The following QKI variants were observed in gnomAD, a reference collection of about 807,000 sequenced individuals.
The protein encoded by QKI is KH domain-containing RNA-binding protein QKI.
A neutral mutation model predicts 39.0 loss-of-function variants in QKI; 10 were observed. That is an observed-to-expected ratio of 0.26 (90% CI 0.16 to 0.43). The LOEUF (loss-of-function observed/expected upper bound fraction) is 0.43, where lower values mean the gene tolerates loss of function less well. Ranked by LOEUF, QKI falls within the 20% of genes least tolerant of loss-of-function variation. The pLI is 1.00. For synonymous variants in QKI, 204 were observed against 155.4 expected, an observed-to-expected ratio of 1.31 and a Z score of -2.33; for missense variants, 218 against 428.0, an observed-to-expected ratio of 0.51 and a Z score of 4.33.
At chr6:163,421,326 G>C (rs9458823) in intron 1 of QKI, among the ~76,000 whole-genome samples, 11,981 of 152,226 alleles carry the variant, frequency 0.079, 534 homozygotes, top group Middle Eastern at 0.12. Flanking sequence ...ATAGTTTCTT[G>C]TCAGTCCTTA....
At chr6:163,438,867 A>G (rs912913934) in intron 1 of QKI, among the ~76,000 whole-genome samples, 1 of 152,242 alleles carries the variant, frequency 6.6e-6, no homozygotes, top group African/African-American at 2.4e-5. Flanking sequence ...TTAACATACT[A>G]TAACTTTATA....
chr6:163,515,698 T>C (rs1583142231), intron 3 of QKI, among the ~76,000 whole-genome samples: 3 of 152,294 alleles, frequency 2.0e-5, no homozygotes, highest in African/African-American at 4.8e-5. Flanking sequence ...TATAATGATA[T>C]GGCGATAGGT....
intron 3 of QKI, among the ~76,000 whole-genome samples, chr6:163,487,211 A>G (rs1777739152): frequency 6.6e-6 from 1 of 151,722 alleles, no homozygotes; most frequent in African/African-American, 2.4e-5. Flanking sequence ...ATTATGCAAA[A>G]TTTTAAGCAA....
chr6:163,466,738 A>G (rs943061896), intron 2 of QKI, among the ~76,000 whole-genome samples: 1 of 152,200 alleles, frequency 6.6e-6, no homozygotes, highest in African/African-American at 2.4e-5. Context: ...TGGATTAAAG[A>G]CCTAAATGAA....
chr6:163,543,553 C>T (rs1781676704), intron 4 of QKI, among the ~76,000 whole-genome samples: 1 of 152,018 alleles, frequency 6.6e-6, no homozygotes, highest in Non-Finnish European at 1.5e-5. Flanking sequence ...TGTCTGCCAA[C>T]CTAAATGAGT....
chr6:163,530,605 G>A (rs933867239), intron 3 of QKI, among the ~76,000 whole-genome samples: 10 of 152,198 alleles, frequency 6.6e-5, no homozygotes, highest in African/African-American at 1.9e-4. Context: ...ATGGACTACA[G>A]TAGAATGAAT....
intron 2 of QKI, among the ~76,000 whole-genome samples, chr6:163,478,258 C>A (rs16895015): frequency 0.11 from 16,796 of 152,182 alleles, 1,101 homozygotes; most frequent in East Asian, 0.25. Flanking sequence ...TCTTAAGACA[C>A]ATTTAGTGTA....
chr6:163,553,091 TTTATTTATTTATTTA>T (rs1396326354), intron 4 of QKI, among the ~76,000 whole-genome samples: 28 of 115,694 alleles, frequency 2.4e-4, no homozygotes, highest in African/African-American at 8.7e-4. Flanking sequence ...TATTTATTTA[TTTATTTATTTATTTA>T]TTTATTTATT....
chr6:163,484,170 A>G (rs965739544), intron 3 of QKI, among the ~76,000 whole-genome samples: 3 of 151,038 alleles, frequency 2.0e-5, no homozygotes, highest in Admixed American at 2.0e-4. Flanking sequence ...TGTTGTTCCA[A>G]TTGTAGAGCA....
chr6:163,510,298 C>G (rs923880775), intron 3 of QKI, among the ~76,000 whole-genome samples: 1 of 151,178 alleles, frequency 6.6e-6, no homozygotes, highest in Non-Finnish European at 1.5e-5. Context: ...GTGGCTCATG[C>G]CCATAATCCC....
At chr6:163,564,096 T>G in intron 6 of QKI, 14 of 1,055,302 alleles carry the variant, frequency 1.3e-5, no homozygotes, top group Non-Finnish European at 1.6e-5. Flanking sequence ...ATCTCACAGG[T>G]TTGTGTAATT....
intron 4 of QKI, among the ~76,000 whole-genome samples, chr6:163,553,209 T>G (rs574178759): frequency 5.8e-4 from 88 of 152,082 alleles, no homozygotes; most frequent in Non-Finnish European, 9.0e-4. Flanking sequence ...GTTCAAGCGA[T>G]TCTCCTGCCT....
rs138329730 is a variant in QKI, at chr6:163,424,218, G to C, written c.142+8883G>C. On this transcript the variant is annotated intron_variant, in intron 1 of 7. Transcript: ENST00000361752. ...TTTTAAGAAAAAAAAATTTCAAACT[G>C]GGATCAAAAAAATTACCCTGAAACC... 5.1e-3 allele frequency among the ~76,000 whole-genome samples: 773 copies of C among 152,170 alleles called. 11 individuals carry two copies. The highest frequency in any genetic ancestry group is 0.018 in the African/African-American group (738 of 41,508).
chr6:163,458,283 C>A lies in QKI; in HGVS notation c.285+2862C>A, dbSNP rs140794321. Among the ~76,000 whole-genome samples the A allele has an allele frequency of 1.3e-4, 20 of 152,206 alleles. 1 individual carries two copies. The highest frequency in any genetic ancestry group is 4.3e-4 in the African/African-American group (18 of 41,500). On this transcript the variant is annotated intron_variant, in intron 2 of 7. Coordinates refer to ENST00000361752, the MANE Select transcript of QKI (RefSeq NM_006775.3). The stretch of plus-strand genomic sequence containing the variant: ...TTCCTGGTGTTCGCTTTTCTCATTT[C>A]TGTAATGGAGATATTAAACCTCTCA...
At position 163,577,872 on chromosome 6, in the gene QKI, T is replaced by G. The variant is rs559996389; in HGVS notation, c.*7162T>G. 39 of 152,336 alleles carry G rather than the reference T, an allele frequency of 2.6e-4. No individual in the cohort carries two copies. The highest frequency in any genetic ancestry group is 2.5e-3 in the Admixed American group (39 of 15,306). 9.4% of individuals were successfully genotyped at this position (152,336 alleles called of 1,614,324 possible). The stretch of plus-strand genomic sequence containing the variant: ...TAAGTGAATGGAAGCACTAGACATT[T>G]GGATTTCCTTCCTAACGTAATTTTT... On this transcript the variant is annotated 3_prime_UTR_variant, in exon 8 of 8. Coordinates refer to ENST00000361752, the MANE Select transcript of QKI (RefSeq NM_006775.3).
At chr6:163,565,258 G>A (rs867721223) in intron 6 of QKI, 13 of 986,450 alleles carry the variant, frequency 1.3e-5, no homozygotes, top group African/African-American at 8.7e-5. Context: ...CTGTGGTCCC[G>A]TGCATGCTCC....
At chr6:163,566,437 A>G in intron 6 of QKI, 1 of 1,269,226 alleles carries the variant, frequency 7.9e-7, no homozygotes, top group Non-Finnish European at 1.0e-6. Context: ...AAGCTTAAAT[A>G]TGTTTGGATC....
At chr6:163,483,363 A>G (rs1353097244) in intron 3 of QKI, among the ~76,000 whole-genome samples, 2 of 152,108 alleles carry the variant, frequency 1.3e-5, no homozygotes, top group African/African-American at 4.8e-5. Flanking sequence ...AATAAGAACA[A>G]CGAAGTTTGC....
chr6:163,484,183 G>A (rs1263612937), intron 3 of QKI, among the ~76,000 whole-genome samples: 1 of 151,738 alleles, frequency 6.6e-6, no homozygotes, highest in East Asian at 1.9e-4. Context: ...GTAGAGCACA[G>A]GCAGGGTACA....
Sources: allele counts gnomAD v4.1 joint callset (sites outside exome capture counted in the v4.1 genomes callset), GRCh38; gene constraint gnomAD v4.1.1; transcripts MANE v1.5; gene names NCBI Gene and HGNC (gene_info 2026-07-23, HGNC 2026-07-21).